The following STIM1 variants were observed in gnomAD, a reference collection of about 807,000 sequenced individuals.
STIM1 encodes stromal interaction molecule 1.
A neutral mutation model predicts 74.7 loss-of-function variants in STIM1; 25 were observed. That is an observed-to-expected ratio of 0.33 (90% CI 0.24 to 0.47). STIM1 has a LOEUF of 0.47. STIM1 is among the 20% of genes least tolerant of loss of function. The pLI is 1.00. For synonymous variants in STIM1, 328 were observed against 348.8 expected, an observed-to-expected ratio of 0.94 and a Z score of 0.66; for missense variants, 728 against 920.8, an observed-to-expected ratio of 0.79 and a Z score of 2.71.
intron 2 of STIM1, among the ~76,000 whole-genome samples, chr11:3,992,227 G>A (rs972949217): frequency 1.3e-5 from 2 of 149,934 alleles, no homozygotes; most frequent in African/African-American, 4.9e-5. Context: ...AGGGCAATGT[G>A]GCAGAACTTG....
At chr11:3,901,076 A>G (rs2135433844) in intron 1 of STIM1, among the ~76,000 whole-genome samples, 1 of 152,282 alleles carries the variant, frequency 6.6e-6, no homozygotes. Context: ...TTGTAGTCCC[A>G]TCTGCTCTGG....
intron 2 of STIM1, among the ~76,000 whole-genome samples, chr11:3,994,077 A>T (rs995159019): frequency 2.0e-5 from 3 of 151,978 alleles, no homozygotes; most frequent in Non-Finnish European, 4.4e-5. Flanking sequence ...GAATTTTCTC[A>T]GTGTTTGTTT....
intron 3 of STIM1, among the ~76,000 whole-genome samples, chr11:4,046,681 G>C (rs1033804220): frequency 1.3e-5 from 2 of 151,766 alleles, no homozygotes; most frequent in African/African-American, 4.8e-5. Flanking sequence ...ACAGGGTCTC[G>C]TTCTGCTGCC....
At chr11:3,990,989 C>T (rs1302298758) in intron 2 of STIM1, among the ~76,000 whole-genome samples, 1 of 152,012 alleles carries the variant, frequency 6.6e-6, no homozygotes, top group Non-Finnish European at 1.5e-5. Context: ...ATCCCAGTAT[C>T]TATTGTTCAC....
chr11:4,043,168 G>C (rs1407544135), intron 3 of STIM1, among the ~76,000 whole-genome samples: 1 of 152,140 alleles, frequency 6.6e-6, no homozygotes, highest in Non-Finnish European at 1.5e-5. Context: ...AAAAATCAGT[G>C]TTCTAAAATG....
chr11:4,009,168 C>T (rs1401619430), intron 2 of STIM1, among the ~76,000 whole-genome samples: 1 of 151,574 alleles, frequency 6.6e-6, no homozygotes, highest in Non-Finnish European at 1.5e-5. Context: ...GGTGGCAGGC[C>T]CCTGTAGTCC....
rs184636424 is a variant in STIM1, at chr11:3,887,320, G to C, written c.139+30911G>C. Among the ~76,000 whole-genome samples, 445 of 152,252 alleles carry C rather than the reference G, an allele frequency of 2.9e-3. 5 individuals carry two copies. The highest frequency in any genetic ancestry group is 0.01 in the African/African-American group (426 of 41,552). On this transcript the variant is annotated intron_variant, in intron 1 of 12. Coordinates refer to ENST00000526596, the MANE Select transcript of STIM1 (RefSeq NM_001382567.1). ...GCAACAAATAAACCTTTAAGCATCT[G>C]TTCTCAGCCTGGCCTTGCACTGGGC...
At chr11:3,868,217 C>T (rs745864023) in intron 1 of STIM1, 2 of 152,206 alleles carry the variant, frequency 1.3e-5, no homozygotes, top group Non-Finnish European at 2.9e-5. Flanking sequence ...CTGGAACTCA[C>T]ACTTCATATC....
chr11:3,872,042 A>G lies in STIM1; in HGVS notation c.139+15633A>G, dbSNP rs550198179. Among the ~76,000 whole-genome samples the G allele has an allele frequency of 2.6e-5, 4 of 151,556 alleles. No homozygotes were observed. In the East Asian group the frequency reaches 5.8e-4, roughly 22 times the overall value. On this transcript the variant is annotated intron_variant, in intron 1 of 12. Transcript: ENST00000526596. ...TCCTAGGTTCTCACTCTTCCTTATA[A>G]TCTTGTTTTCTAACTCTCGTTTTTT...
chr11:3,886,732 G>A (rs368167917), intron 1 of STIM1, among the ~76,000 whole-genome samples: 2 of 150,224 alleles, frequency 1.3e-5, no homozygotes, highest in East Asian at 2.0e-4. Flanking sequence ...GGCCGGGTGC[G>A]GTGGCTCATG....
intron 7 of STIM1, among the ~76,000 whole-genome samples, chr11:4,075,695 G>A (rs2094433456): frequency 6.6e-6 from 1 of 151,958 alleles, no homozygotes. Flanking sequence ...GAACCTTCTT[G>A]CATATGTCTC....
rs147463075 is a variant in STIM1, at chr11:3,969,243, G to A, written c.270+1561G>A. 9.6e-3 allele frequency among the ~76,000 whole-genome samples: 1,452 copies of A among 152,030 alleles called. 14 individuals carry two copies. Among genetic ancestry groups the A allele is most frequent in the African/African-American group, 0.032 (1,333 of 41,478 alleles). ...CTCATGCCTGTAATCCCAGCACTTC[G>A]GGAGGCCAAGGCAGGAGGATAGCTT... On this transcript the variant is annotated intron_variant, in intron 2 of 12. Coordinates refer to ENST00000526596, the MANE Select transcript of STIM1 (RefSeq NM_001382567.1).
chr11:3,998,792 G>C (rs922424607), intron 2 of STIM1, among the ~76,000 whole-genome samples: 2 of 152,134 alleles, frequency 1.3e-5, no homozygotes, highest in African/African-American at 4.8e-5. Flanking sequence ...AATAGACAAA[G>C]AGTGGGAGAA....
At chr11:3,876,484 C>T (rs909026803) in intron 1 of STIM1, among the ~76,000 whole-genome samples, 1 of 152,208 alleles carries the variant, frequency 6.6e-6, no homozygotes, top group African/African-American at 2.4e-5. Flanking sequence ...TGGTTCACTG[C>T]AACCTTGAGC....
At chr11:4,011,085 A>C (rs952900419) in intron 2 of STIM1, among the ~76,000 whole-genome samples, 1 of 152,180 alleles carries the variant, frequency 6.6e-6, no homozygotes, top group Non-Finnish European at 1.5e-5. Context: ...TCCATGGTGT[A>C]TATATGCCAC....
At chr11:4,015,224 G>A (rs900242631) in intron 2 of STIM1, among the ~76,000 whole-genome samples, 3 of 152,208 alleles carry the variant, frequency 2.0e-5, no homozygotes, top group Non-Finnish European at 2.9e-5. Context: ...TCCTTCAGGA[G>A]CTCTTGTAAG....
chr11:3,896,683 A>G (rs538099848), intron 1 of STIM1, among the ~76,000 whole-genome samples: 3 of 152,296 alleles, frequency 2.0e-5, no homozygotes, highest in South Asian at 2.1e-4. Context: ...GAGCCCCCCA[A>G]ATAATTGGTG....
intron 1 of STIM1, among the ~76,000 whole-genome samples, chr11:3,941,630 T>TATAG (rs71047190): frequency 0.012 from 1,669 of 143,032 alleles, 29 homozygotes; most frequent in African/African-American, 0.029. Context: ...TATATATATA[T>TATAG]AGAGAGATAG....
intron 1 of STIM1, among the ~76,000 whole-genome samples, chr11:3,863,431 A>G (rs1199149968): frequency 6.6e-6 from 1 of 150,970 alleles, no homozygotes; most frequent in Non-Finnish European, 1.5e-5. Flanking sequence ...TACTTTTTCT[A>G]TTTTTTTGAA....
Sources: gnomAD v4.1 joint callset for allele counts (sites outside exome capture counted in the v4.1 genomes callset) on GRCh38, gnomAD v4.1.1 for gene constraint, MANE v1.5 for transcripts, NCBI Gene and HGNC (gene_info 2026-07-23, HGNC 2026-07-21) for gene names.